Variants in ERCC6L2 observed in about 807,000 individuals in gnomAD.
ERCC6L2 encodes the protein ERCC excision repair 6 like 2, also known as DNA excision repair protein ERCC-6-like 2.
ERCC6L2 carries 77 observed loss-of-function variants against 132.0 expected under a neutral mutation model. The ratio of observed to expected loss-of-function variants is 0.58; its 90% CI spans 0.49 to 0.71. ERCC6L2 has a LOEUF of 0.71. ERCC6L2 is among the 30% of genes least tolerant of loss of function. ERCC6L2 has a pLI of 0.00. For synonymous variants in ERCC6L2, 583 were observed against 632.4 expected (o/e 0.92, Z 1.17); for missense variants, 1,542 against 1,837.6 (o/e 0.84, Z 2.94).
chr9:95,966,899 T>C (rs1832185308), intron 14 of ERCC6L2, 185 bp downstream of exon 14: 2 of 420,866 alleles, frequency 4.8e-6, no homozygotes, highest in East Asian at 7.2e-5. Flanking sequence ...ACTAAGATTT[T>C]CCCATGCATA....
chr9:95,909,697 C>T (rs907097000), intron 4 of ERCC6L2, among the ~76,000 whole-genome samples: 3 of 152,098 alleles, frequency 2.0e-5, no homozygotes, highest in Admixed American at 6.6e-5. Context: ...GTTACCCATT[C>T]ATTTGAGGAT....
rs1224996980 is a variant in ERCC6L2, at chr9:96,013,484, T to C, written c.*281T>C. Reference sequence around the variant, plus strand: ...AGGAGACCTGGGACATCTTTCTTACTATATTACATAATGATGTGACACTTG... The same window carrying C: ...AGGAGACCTGGGACATCTTTCTTACCATATTACATAATGATGTGACACTTG... On this transcript the variant is annotated 3_prime_UTR_variant, in exon 19 of 19. Coordinates refer to ENST00000653738, the MANE Select transcript of ERCC6L2 (RefSeq NM_020207.7). 1.4e-5 allele frequency: 3 copies of C among 207,480 alleles called. No homozygotes were observed. The highest frequency in any genetic ancestry group is 1.6e-4 in the South Asian group (2 of 12,778). The allele number at this position is 207,480 out of a possible 1,614,324, so 12.9% of individuals were successfully genotyped here.
rs73654821 is a variant in ERCC6L2 at position 96,038,113 on chromosome 9, C to T, written c.*1504-763C>T. ...GAGTCAGGAGACCGTCCCTGAAGGG[C>T]GGGTGTGAAGTTCTTGTGTGGAGGA... On this transcript the variant is annotated intron_variant and NMD_transcript_variant, in intron 19 of 20. Transcript: ENST00000670016. Among the ~76,000 whole-genome samples, 548 of 151,822 alleles carry T rather than the reference C, an allele frequency of 3.6e-3. 6 individuals carry two copies. The highest frequency in any genetic ancestry group is 0.012 in the African/African-American group (496 of 41,374).
intron 4 of ERCC6L2, among the ~76,000 whole-genome samples, 176 bp downstream of exon 4, chr9:95,907,447 C>T (rs1829102044): frequency 6.6e-6 from 1 of 151,308 alleles, no homozygotes; most frequent in African/African-American, 2.4e-5. Context: ...TCAGGCAATC[C>T]ACCCACCTCA....
chr9:96,002,581 C>A (rs904789384), intron 17 of ERCC6L2, among the ~76,000 whole-genome samples: 1 of 152,126 alleles, frequency 6.6e-6, no homozygotes, highest in African/African-American at 2.4e-5. Context: ...GCCACCGCAC[C>A]AAGCTAGTTT....
At chr9:95,964,048 C>T (rs996098387) in intron 13 of ERCC6L2, among the ~76,000 whole-genome samples, 1 of 152,100 alleles carries the variant, frequency 6.6e-6, no homozygotes, top group Non-Finnish European at 1.5e-5. Flanking sequence ...AGTTCCTCAT[C>T]AGACCTGCAC....
intron 19 of ERCC6L2, among the ~76,000 whole-genome samples, chr9:96,027,167 C>T (rs1029151576): frequency 2.0e-5 from 3 of 146,632 alleles, no homozygotes; most frequent in Non-Finnish European, 4.5e-5. Context: ...CACCACACCA[C>T]ACACACACAC....
At chr9:95,882,936 G>C (rs970797877) in intron 2 of ERCC6L2, among the ~76,000 whole-genome samples, 1 of 152,196 alleles carries the variant, frequency 6.6e-6, no homozygotes, top group Non-Finnish European at 1.5e-5. Flanking sequence ...ATAAAGAAAG[G>C]AGCCTTCAAG....
chr9:95,889,469 G>C (rs1249499164), intron 2 of ERCC6L2, among the ~76,000 whole-genome samples: 1 of 151,186 alleles, frequency 6.6e-6, no homozygotes, highest in African/African-American at 2.4e-5. Flanking sequence ...GTCAATATAT[G>C]TGTGTGTGTG....
At chr9:95,968,020 TAAAC>T (rs1371448763) in intron 14 of ERCC6L2, 1 of 152,212 alleles carries the variant, frequency 6.6e-6, no homozygotes, top group Non-Finnish European at 1.5e-5. Flanking sequence ...ATTTCTTTGT[TAAAC>T]AAGTGTTATA....
At chr9:95,918,300 T>C in intron 6 of ERCC6L2, 2 of 410,058 alleles carry the variant, frequency 4.9e-6, no homozygotes, top group Non-Finnish European at 9.7e-6. Context: ...TTTGTCCTGA[T>C]GTCAGTCTTG....
chr9:96,035,021 G>T (rs1038547126), intron 19 of ERCC6L2, among the ~76,000 whole-genome samples: 1 of 152,154 alleles, frequency 6.6e-6, no homozygotes, highest in Admixed American at 6.5e-5. Context: ...TCTGTAGCCT[G>T]CACCCTTGGG....
chr9:96,022,674 C>A (rs73536572), downstream of ERCC6L2, among the ~76,000 whole-genome samples: 7,327 of 152,190 alleles, frequency 0.048, 583 homozygotes, highest in African/African-American at 0.17. Flanking sequence ...AATAGGGATG[C>A]TGAATGGGTC....
intron 17 of ERCC6L2, among the ~76,000 whole-genome samples, chr9:95,983,742 A>G (rs1564285607): frequency 6.6e-6 from 1 of 152,238 alleles, no homozygotes; most frequent in South Asian, 2.1e-4. Flanking sequence ...AAGGAATTAC[A>G]GTATTTCAGA....
intron 17 of ERCC6L2, among the ~76,000 whole-genome samples, chr9:95,993,219 G>C (rs529620302): frequency 6.6e-6 from 1 of 152,180 alleles, no homozygotes; most frequent in Non-Finnish European, 1.5e-5. Flanking sequence ...CAAATGGAAA[G>C]AGTAAGTGGC....
At chr9:95,947,301 C>A (rs1483679855) in intron 12 of ERCC6L2, among the ~76,000 whole-genome samples, 2 of 152,164 alleles carry the variant, frequency 1.3e-5, no homozygotes, top group Non-Finnish European at 2.9e-5. Context: ...AAGATCAAAC[C>A]AGCCACAGCA....
chr9:95,978,504 G>A (rs1290323622), intron 17 of ERCC6L2, among the ~76,000 whole-genome samples: 71 of 152,180 alleles, frequency 4.7e-4, no homozygotes, highest in Non-Finnish European at 5.9e-5. Context: ...AGGGAATCAT[G>A]TAGTTCAATC....
chr9:95,941,448 C>T lies in ERCC6L2; in HGVS notation c.1752-6C>T, dbSNP rs764993237. The T allele has an allele frequency of 1.4e-5, 22 of 1,603,182 alleles. No individual in the cohort carries two copies. Among genetic ancestry groups the T allele is most frequent in the South Asian group, 1.3e-4 (12 of 89,776 alleles). ...AATGTGCTTTTTTTTTTTCTCTTTCCTCCAGGGCTGGTGGACTAGGCCTCA... is the reference window on the plus strand; with the variant it reads ...AATGTGCTTTTTTTTTTTCTCTTTCTTCCAGGGCTGGTGGACTAGGCCTCA... On this transcript the variant is annotated splice_polypyrimidine_tract_variant and splice_region_variant and intron_variant, in intron 11 of 18. Transcript: ENST00000653738.
intron 4 of ERCC6L2, among the ~76,000 whole-genome samples, chr9:95,912,033 C>T (rs577935439): frequency 6.6e-6 from 1 of 152,204 alleles, no homozygotes; most frequent in East Asian, 1.9e-4. Flanking sequence ...ATGACCTGGC[C>T]CATCTACTTT....
Sources: allele counts gnomAD v4.1 joint callset (sites outside exome capture counted in the v4.1 genomes callset), GRCh38; gene constraint gnomAD v4.1.1; transcripts MANE v1.5; gene names NCBI Gene and HGNC (gene_info 2026-07-23, HGNC 2026-07-21).